The following RORB variants were observed in gnomAD, a reference collection of about 807,000 sequenced individuals.
RORB encodes the protein RAR related orphan receptor B.
RORB carries 6 observed loss-of-function variants against 59.1 expected under a neutral mutation model. The observed-to-expected ratio is 0.10, with a 90% CI of 0.06 to 0.20. The LOEUF (loss-of-function observed/expected upper bound fraction) is 0.20, where lower values mean the gene tolerates loss of function less well. Among genes scored for constraint, RORB ranks in the 10% least tolerant of loss-of-function variants. The pLI is 1.00. For missense variants in RORB, 320 were observed against 560.5 expected (o/e 0.57, Z 4.33); for synonymous variants, 215 against 204.5 (o/e 1.05, Z -0.44).
chr9:74,590,153 G>GTAGTAA (rs1426095380), intron 1 of RORB, among the ~76,000 whole-genome samples: 1 of 152,132 alleles, frequency 6.6e-6, no homozygotes, highest in Non-Finnish European at 1.5e-5. Flanking sequence ...AGTAGTAGTA[G>GTAGTAA]TAGTAATAGT....
intron 1 of RORB, among the ~76,000 whole-genome samples, chr9:74,593,583 T>C (rs1251569960): frequency 3.9e-5 from 6 of 152,178 alleles, no homozygotes; most frequent in Non-Finnish European, 8.8e-5. Context: ...GCTGGGCCTA[T>C]GCTGAGTCTA....
chr9:74,518,501 A>G (rs1369493222), intron 1 of RORB, among the ~76,000 whole-genome samples: 1 of 151,930 alleles, frequency 6.6e-6, no homozygotes, highest in Non-Finnish European at 1.5e-5. Flanking sequence ...CAGTGGAAAG[A>G]CTTCTAGAAT....
At chr9:74,600,251 A>G (rs1195627073) in intron 1 of RORB, among the ~76,000 whole-genome samples, 4 of 152,246 alleles carry the variant, frequency 2.6e-5, no homozygotes, top group Non-Finnish European at 5.9e-5. Context: ...TCTTGAAAGT[A>G]ATTCCTGGGT....
At chr9:74,534,950 G>C (rs1826299308) in intron 1 of RORB, among the ~76,000 whole-genome samples, 1 of 152,002 alleles carries the variant, frequency 6.6e-6, no homozygotes, top group Non-Finnish European at 1.5e-5. Context: ...ATCTATCACT[G>C]TATCTGACTG....
chr9:74,498,336 A>G (rs1209481891), intron 1 of RORB: 2 of 284,034 alleles, frequency 7.0e-6, no homozygotes, highest in Non-Finnish European at 1.3e-5. Flanking sequence ...ATGCCTCTGG[A>G]CAGGAGCAGT....
chr9:74,558,092 C>T (rs747263019), intron 1 of RORB, among the ~76,000 whole-genome samples: 54 of 152,224 alleles, frequency 3.5e-4, no homozygotes, highest in Non-Finnish European at 6.6e-4. Context: ...TATATATTTT[C>T]ATTAATATTT....
chr9:74,535,312 A>G (rs1188469336), intron 1 of RORB, among the ~76,000 whole-genome samples: 2 of 152,104 alleles, frequency 1.3e-5, no homozygotes, highest in Non-Finnish European at 2.9e-5. Context: ...TTGAATAAAG[A>G]CTAAGCAGAT....
At chr9:74,537,358 C>G (rs1013054976) in intron 1 of RORB, among the ~76,000 whole-genome samples, 1 of 151,886 alleles carries the variant, frequency 6.6e-6, no homozygotes, top group African/African-American at 2.4e-5. Context: ...CTTTCTAGTT[C>G]TTAAACTTTT....
rs180978835 is a variant in RORB at position 74,575,182 on chromosome 9, T to A, written c.8-55100T>A. Among the ~76,000 whole-genome samples, 509 of 152,186 alleles carry A rather than the reference T, an allele frequency of 3.3e-3. 1 individual carries two copies. The highest frequency in any genetic ancestry group is 5.4e-3 in the Non-Finnish European group (364 of 67,990). On this transcript the variant is annotated intron_variant, in intron 1 of 9. Transcript: ENST00000376896. The stretch of plus-strand genomic sequence containing the variant: ...GTTTTATGCCCAGACGTGTAACAAA[T>A]CACATTGTTTACTCTTTAAAATTAC...
chr9:74,657,701 G>C (rs1824107227), intron 4 of RORB, among the ~76,000 whole-genome samples: 1 of 152,030 alleles, frequency 6.6e-6, no homozygotes, highest in African/African-American at 2.4e-5. Flanking sequence ...ATTATTGTAA[G>C]ATACTTTAAA....
At position 74,692,203 on chromosome 9, in the gene RORB, G is replaced by GA. The variant is rs1387784111; in HGVS notation, c.*6589dup. 6.6e-6 allele frequency: 1 copy of GA among 152,126 alleles called. No individual in the cohort carries two copies. Among genetic ancestry groups the GA allele is most frequent in the African/African-American group, 2.4e-5 (1 of 41,430 alleles). The allele number at this position is 152,126 out of a possible 1,614,324, so 9.4% of individuals were successfully genotyped here. A position where few individuals can be genotyped will look rare whatever the true frequency, so the allele number is the denominator to read the frequency against. Reference sequence around the variant, plus strand: ...GGGTTGGGGAGAGACTGAGAGGGAGGAAAATCCAAGGTGTCATGAGCTATA... The same window carrying GA: ...GGGTTGGGGAGAGACTGAGAGGGAGGAAAAATCCAAGGTGTCATGAGCTATA... On this transcript the variant is annotated 3_prime_UTR_variant, in exon 10 of 10. Transcript: ENST00000376896.
intron 1 of RORB, among the ~76,000 whole-genome samples, chr9:74,501,070 T>C (rs1454249599): frequency 1.3e-5 from 2 of 152,112 alleles, no homozygotes; most frequent in Non-Finnish European, 2.9e-5. Flanking sequence ...TCTTGAAAGA[T>C]CTGTGGGCTG....
At chr9:74,522,735 T>C (rs1476820041) in intron 1 of RORB, among the ~76,000 whole-genome samples, 1 of 151,834 alleles carries the variant, frequency 6.6e-6, no homozygotes, top group Admixed American at 6.6e-5. Flanking sequence ...GTGTAGGTTA[T>C]TCTTCACAAG....
At chr9:74,584,575 T>C (rs1822770476) in intron 1 of RORB, among the ~76,000 whole-genome samples, 1 of 152,168 alleles carries the variant, frequency 6.6e-6, no homozygotes, top group African/African-American at 2.4e-5. Flanking sequence ...CACCATGCCG[T>C]TTATTGCATC....
intron 1 of RORB, among the ~76,000 whole-genome samples, chr9:74,523,285 T>C (rs540639394): frequency 1.3e-5 from 2 of 151,792 alleles, no homozygotes; most frequent in African/African-American, 4.8e-5. Context: ...TTTCATTGAT[T>C]TTATCTCAGT....
chr9:74,591,508 A>G (rs987588975), intron 1 of RORB, among the ~76,000 whole-genome samples: 9 of 152,352 alleles, frequency 5.9e-5, no homozygotes, highest in Admixed American at 5.9e-4. Context: ...TCTAAATAAA[A>G]CAAAGCCATA....
At chr9:74,577,677 C>T (rs1323357) in intron 1 of RORB, among the ~76,000 whole-genome samples, 94,274 of 151,790 alleles carry the variant, frequency 0.62, 29,670 homozygotes, top group East Asian at 0.85. Flanking sequence ...ACCAAATAAG[C>T]GGGTTTGCCC....
chr9:74,506,534 T>C (rs887745892), intron 1 of RORB, among the ~76,000 whole-genome samples: 11 of 152,098 alleles, frequency 7.2e-5, no homozygotes, highest in African/African-American at 2.7e-4. Flanking sequence ...TCTTACACAT[T>C]AGCTCTTGTG....
intron 9 of RORB, among the ~76,000 whole-genome samples, chr9:74,673,894 T>C (rs1824390282): frequency 1.3e-5 from 2 of 152,314 alleles, no homozygotes; most frequent in South Asian, 4.1e-4. Flanking sequence ...GTAATAGTTA[T>C]CATTTTAATA....
Sources: gnomAD v4.1 joint callset for allele counts (sites outside exome capture counted in the v4.1 genomes callset) on GRCh38, gnomAD v4.1.1 for gene constraint, MANE v1.5 for transcripts, NCBI Gene and HGNC (gene_info 2026-07-23, HGNC 2026-07-21) for gene names.